The following PDE10A variants were observed in gnomAD, a reference collection of about 807,000 sequenced individuals.
PDE10A encodes the protein phosphodiesterase 10A.
In PDE10A, 39 loss-of-function variants were observed where a neutral mutation model predicts 97.7. That is an observed-to-expected ratio of 0.40 (90% CI 0.31 to 0.52). The LOEUF (loss-of-function observed/expected upper bound fraction) is 0.52, where lower values mean the gene tolerates loss of function less well. Among genes scored for constraint, PDE10A ranks in the 20% least tolerant of loss-of-function variants. The probability of loss-of-function intolerance (pLI) is 0.56; values close to 1 mark genes in which losing one functional copy is unlikely to be tolerated. For synonymous variants in PDE10A, 371 were observed against 376.8 expected (o/e 0.98, Z 0.18); for missense variants, 731 against 1,047.8 (o/e 0.70, Z 4.17).
Position 165,662,370 on chromosome 6 carries a change from C to T in PDE10A, c.442G>A (p.Ala148Thr). The change falls in exon 1 of 22, where the codon GCA (alanine) becomes ACA (threonine). Residue 148 changes from alanine (A) to threonine (T), a missense_variant. Coordinates refer to ENST00000539869, the MANE Select transcript of PDE10A (RefSeq NM_001385079.1). Reference protein sequence around the residue: ...LPVRLPGREGAAAAAAAGGGG... With the variant: ...LPVRLPGREGTAAAAAAGGGG... ...CCTCCCGCCGCCGCCGCCGCCGCTG[C>T]GCCCTCCCTTCCTGGGAGACGCACG... is the stretch of plus-strand genomic sequence containing the variant. The T allele has an allele frequency of 1.2e-5, 2 of 161,920 alleles. No homozygotes were observed. Among genetic ancestry groups the T allele is most frequent in the Admixed American group, 6.6e-5 (1 of 15,190 alleles). 10.0% of individuals were successfully genotyped at this position (161,920 alleles called of 1,614,324 possible).
chr6:165,779,006 CAGA>C (rs1212589733), intron 1 of PDE10A, among the ~76,000 whole-genome samples: 1 of 152,118 alleles, frequency 6.6e-6, no homozygotes, highest in Non-Finnish European at 1.5e-5. Flanking sequence ...ATTTAATGAG[CAGA>C]AGTTCTTAAT....
At chr6:165,621,245 T>TA (rs56870821) in intron 1 of PDE10A, among the ~76,000 whole-genome samples, 54 of 142,658 alleles carry the variant, frequency 3.8e-4, no homozygotes, top group African/African-American at 1.0e-3. Context: ...TTTATAGAAC[T>TA]AAAAAAAAAG....
intron 18 of PDE10A, among the ~76,000 whole-genome samples, chr6:165,353,142 C>T (rs905468324): frequency 5.9e-4 from 90 of 152,134 alleles, no homozygotes; most frequent in African/African-American, 2.1e-3. Context: ...AATGAGATAA[C>T]ACTACACATC....
chr6:165,622,518 T>C lies in PDE10A; in HGVS notation c.865+39429A>G, dbSNP rs184632301. Among the ~76,000 whole-genome samples the C allele has an allele frequency of 3.5e-4, 53 of 152,314 alleles. 1 individual carries two copies. The highest frequency in any genetic ancestry group is 2.0e-3 in the Admixed American group (31 of 15,298). ...ACAACTGTAACACAATGCTAAGGAT[T>C]TGTGTATCTAAACATATCTAAACAT... On this transcript the variant is annotated intron_variant, in intron 1 of 21. Transcript: ENST00000539869.
At chr6:165,890,299 C>A (rs994638065) in intron 1 of PDE10A, among the ~76,000 whole-genome samples, 19 of 152,098 alleles carry the variant, frequency 1.2e-4, no homozygotes, top group African/African-American at 4.3e-4. Context: ...AAGACCACAC[C>A]GCGGAGGAAG....
chr6:165,348,164 A>T (rs1008054898), intron 18 of PDE10A, among the ~76,000 whole-genome samples: 1 of 152,198 alleles, frequency 6.6e-6, no homozygotes, highest in African/African-American at 2.4e-5. Context: ...AGATAACAAA[A>T]ATAAGAGAAA....
At chr6:165,664,953 G>A (rs536010862), upstream of PDE10A, among the ~76,000 whole-genome samples, 2 of 152,328 alleles carry the variant, frequency 1.3e-5, no homozygotes, top group East Asian at 3.9e-4. Context: ...GAGACAGGGT[G>A]GGAAACCCCA....
chr6:165,393,726 T>C (rs1159992729), intron 15 of PDE10A, among the ~76,000 whole-genome samples: 4 of 152,150 alleles, frequency 2.6e-5, no homozygotes, highest in East Asian at 1.9e-4. Context: ...ATACACAGGC[T>C]TCAAGAAGAA....
chr6:165,694,208 A>G (rs1443088079), intron 1 of PDE10A, among the ~76,000 whole-genome samples: 1 of 152,212 alleles, frequency 6.6e-6, no homozygotes, highest in Non-Finnish European at 1.5e-5. Flanking sequence ...AGACAAATTT[A>G]CAAAATCAAA....
At chr6:165,831,613 G>A (rs868211250) in intron 1 of PDE10A, among the ~76,000 whole-genome samples, 52 of 151,320 alleles carry the variant, frequency 3.4e-4, no homozygotes, top group Middle Eastern at 3.4e-3. Context: ...GAGTAGCTGG[G>A]ACTACGGACT....
At chr6:165,342,490 A>T (rs1782031327) in intron 19 of PDE10A, among the ~76,000 whole-genome samples, 1 of 152,278 alleles carries the variant, frequency 6.6e-6, no homozygotes, top group South Asian at 2.1e-4. Context: ...ATCCTCATAC[A>T]GTAAACATAC....
intron 1 of PDE10A, among the ~76,000 whole-genome samples, chr6:165,765,063 T>C (rs112298839): frequency 0.1 from 15,603 of 151,112 alleles, 969 homozygotes; most frequent in South Asian, 0.19. Flanking sequence ...AGAGTGTGGA[T>C]TGGTGCATTC....
chr6:165,602,046 C>G (rs1489205451), intron 1 of PDE10A, among the ~76,000 whole-genome samples: 2 of 152,192 alleles, frequency 1.3e-5, no homozygotes, highest in African/African-American at 2.4e-5. Context: ...TTGGGTCAGT[C>G]TTTTCATTCA....
intron 1 of PDE10A, among the ~76,000 whole-genome samples, chr6:165,898,925 C>A (rs1458938663): frequency 6.6e-6 from 1 of 152,186 alleles, no homozygotes; most frequent in South Asian, 2.1e-4. Context: ...TGCATCATTC[C>A]CCCATTTCTT....
intron 15 of PDE10A, 62 bp from the exon 16 acceptor site, chr6:165,392,858 C>T: frequency 6.8e-7 from 1 of 1,478,574 alleles, no homozygotes; most frequent in Non-Finnish European, 9.4e-7. Flanking sequence ...TGTAGGAGAA[C>T]TCCCTAGTTT....
chr6:165,406,227 G>GGTGTGTGTGT (rs1562431357), intron 13 of PDE10A, among the ~76,000 whole-genome samples: 9 of 30,454 alleles, frequency 3.0e-4, no homozygotes, highest in African/African-American at 5.6e-4. Flanking sequence ...GAGGGAAAAG[G>GGTGTGTGTGT]ATGTGTGTGT....
intron 1 of PDE10A, among the ~76,000 whole-genome samples, chr6:165,957,695 G>A (rs1185801946): frequency 1.3e-5 from 2 of 152,098 alleles, no homozygotes; most frequent in African/African-American, 4.8e-5. Flanking sequence ...GCTGTGCTTG[G>A]GCATTGTGAA....
intron 17 of PDE10A, among the ~76,000 whole-genome samples, chr6:165,379,594 A>C (rs1456634729): frequency 2.0e-5 from 3 of 152,192 alleles, no homozygotes; most frequent in African/African-American, 7.2e-5. Flanking sequence ...TAAATAAACT[A>C]TTGCAACTAT....
chr6:165,453,155 G>C (rs1777738701), intron 3 of PDE10A, among the ~76,000 whole-genome samples: 3 of 152,140 alleles, frequency 2.0e-5, no homozygotes, highest in Admixed American at 2.0e-4. Context: ...GTATCTGGTG[G>C]CAGAAATTTC....
Sources: gnomAD v4.1 joint callset for allele counts (sites outside exome capture counted in the v4.1 genomes callset) on GRCh38, gnomAD v4.1.1 for gene constraint, MANE v1.5 for transcripts, NCBI Gene and HGNC (gene_info 2026-07-23, HGNC 2026-07-21) for gene names.